The following CCDC149 variants were observed in gnomAD, a reference collection of about 807,000 sequenced individuals.
The protein encoded by CCDC149 is coiled-coil domain-containing protein 149.
Under a neutral mutation model 59.9 loss-of-function variants are expected in CCDC149, and 45 were observed. The ratio of observed to expected loss-of-function variants is 0.75; its 90% CI spans 0.59 to 0.96. The LOEUF (loss-of-function observed/expected upper bound fraction) is 0.96. CCDC149 is among the 40% of genes least tolerant of loss of function. The probability of loss-of-function intolerance (pLI) is 0.00; values close to 1 mark genes in which losing one functional copy is unlikely to be tolerated. For missense variants in CCDC149, 584 were observed against 664.7 expected, an observed-to-expected ratio of 0.88 and a Z score of 1.33; for synonymous variants, 245 against 260.6, an observed-to-expected ratio of 0.94 and a Z score of 0.58.
Position 24,922,516 on chromosome 4 carries a change from A to G in CCDC149, c.-64-27398T>C, listed in dbSNP as rs368500883. ...AAGGCTGCAAGATGGGGCATTTTGG[A>G]CTCATTTTTATTCTTTTTCATGCTT... On this transcript the variant is annotated intron_variant, in intron 1 of 12. Coordinates refer to the CCDC149 transcript ENST00000389609. Among the ~76,000 whole-genome samples the G allele has an allele frequency of 3.3e-5, 5 of 151,932 alleles. No homozygotes were observed. The East Asian group carries it at 9.7e-4, about 29-fold the overall frequency.
intron 1 of CCDC149, among the ~76,000 whole-genome samples, chr4:24,880,926 C>T (rs1719803268): frequency 6.6e-6 from 1 of 152,184 alleles, no homozygotes. Flanking sequence ...CCTTGAGGAA[C>T]CCACGATTTC....
chr4:24,851,084 T>C (rs964138098), intron 4 of CCDC149, among the ~76,000 whole-genome samples: 7 of 152,118 alleles, frequency 4.6e-5, no homozygotes, highest in Non-Finnish European at 8.8e-5. Context: ...TAGCAGTCAC[T>C]AAATTCTAAA....
chr4:24,929,117 A>G (rs1045242284), intron 1 of CCDC149, among the ~76,000 whole-genome samples: 1 of 152,172 alleles, frequency 6.6e-6, no homozygotes, highest in African/African-American at 2.4e-5. Context: ...TTGCCATCCC[A>G]TGGTCTGGTG....
intron 1 of CCDC149, among the ~76,000 whole-genome samples, chr4:24,879,353 A>C (rs1477629644): frequency 6.6e-6 from 1 of 151,876 alleles, no homozygotes; most frequent in Non-Finnish European, 1.5e-5. Flanking sequence ...CCCCCTCTCT[A>C]CTAAAAATAC....
intron 5 of CCDC149, 26 bp downstream of exon 5, chr4:24,838,130 C>T (rs1454985633): frequency 1.3e-5 from 20 of 1,524,414 alleles, no homozygotes; most frequent in Non-Finnish European, 1.7e-5. Flanking sequence ...ATGCATCCCC[C>T]ACTCTGAATA....
chr4:24,891,335 GT>G (rs1720520239), intron 1 of CCDC149, among the ~76,000 whole-genome samples: 1 of 152,174 alleles, frequency 6.6e-6, no homozygotes, highest in African/African-American at 2.4e-5. Context: ...ATCCAGGTCT[GT>G]TTCTCTGGCT....
At chr4:24,854,465 C>A (rs2109188982) in intron 3 of CCDC149, among the ~76,000 whole-genome samples, 1 of 152,228 alleles carries the variant, frequency 6.6e-6, no homozygotes, top group East Asian at 1.9e-4. Context: ...TCCAAACAGG[C>A]CTCCTGGAAG....
rs1278057251 is a variant in CCDC149, at chr4:24,808,362, T to G, written c.*27A>C. ...TTGACCCTCTCTGGGGCTTTCAATG[T>G]GTCATTGTGTCAGATCCCTCTCCCC... On this transcript the variant is annotated 3_prime_UTR_variant, in exon 13 of 13. Transcript: ENST00000635206. 9 of 1,437,280 alleles carry G rather than the reference T, an allele frequency of 6.3e-6. No homozygotes were observed. The highest frequency in any genetic ancestry group is 8.2e-6 in the Non-Finnish European group (9 of 1,092,744). The allele number at this position is 1,437,280 out of a possible 1,614,324, so 89.0% of individuals were successfully genotyped here. A position where few individuals can be genotyped will look rare whatever the true frequency, so the allele number is the denominator to read the frequency against.
At chr4:24,954,771 A>G (rs61299216) in intron 1 of CCDC149, among the ~76,000 whole-genome samples, 6 of 152,146 alleles carry the variant, frequency 3.9e-5, no homozygotes, top group African/African-American at 1.4e-4. Context: ...AAGAGCTCCA[A>G]AATGCCTTCA....
chr4:24,871,250 G>T (rs1043302554), intron 3 of CCDC149, among the ~76,000 whole-genome samples: 2 of 152,142 alleles, frequency 1.3e-5, no homozygotes, highest in African/African-American at 4.8e-5. Flanking sequence ...GGATAAATGT[G>T]TGTGTGTTGG....
At chr4:24,913,382 C>T (rs986782537), upstream of CCDC149, among the ~76,000 whole-genome samples, 1 of 152,224 alleles carries the variant, frequency 6.6e-6, no homozygotes, top group African/African-American at 2.4e-5. Context: ...GCAGATGTGC[C>T]TTTGGCAAGA....
At chr4:24,875,152 A>G (rs976526226) in intron 2 of CCDC149, among the ~76,000 whole-genome samples, 1 of 152,066 alleles carries the variant, frequency 6.6e-6, no homozygotes, top group African/African-American at 2.4e-5. Flanking sequence ...ACTAAGGTGA[A>G]ACCCCGTCTC....
At chr4:24,905,181 G>A (rs555402401) in intron 1 of CCDC149, among the ~76,000 whole-genome samples, 1 of 151,834 alleles carries the variant, frequency 6.6e-6, no homozygotes, top group Non-Finnish European at 1.5e-5. Flanking sequence ...TTACAGGAGT[G>A]AGCCACCGCA....
At chr4:24,966,967 C>T (rs1487296396) in intron 1 of CCDC149, among the ~76,000 whole-genome samples, 1 of 152,152 alleles carries the variant, frequency 6.6e-6, no homozygotes, top group African/African-American at 2.4e-5. Flanking sequence ...ATTGCAGCCT[C>T]ATTTATGGGA....
intron 6 of CCDC149, among the ~76,000 whole-genome samples, 192 bp from the exon 7 acceptor site, chr4:24,836,700 A>T (rs1343219877): frequency 6.6e-6 from 1 of 152,238 alleles, no homozygotes; most frequent in African/African-American, 2.4e-5. Flanking sequence ...AATCAAGGTC[A>T]AACATGCCCA....
intron 3 of CCDC149, among the ~76,000 whole-genome samples, chr4:24,860,727 A>G (rs1206147112): frequency 1.3e-5 from 2 of 152,212 alleles, no homozygotes; most frequent in African/African-American, 2.4e-5. Context: ...AGAATCTACA[A>G]GGAACTCAAG....
intron 1 of CCDC149, among the ~76,000 whole-genome samples, chr4:24,910,415 T>C (rs889417427): frequency 6.6e-5 from 10 of 152,124 alleles, no homozygotes; most frequent in Admixed American, 1.3e-4. Flanking sequence ...TTGCAGCTAC[T>C]GGGGTTAGGT....
intron 1 of CCDC149, among the ~76,000 whole-genome samples, chr4:24,948,097 C>T (rs1435267220): frequency 6.6e-6 from 1 of 152,172 alleles, no homozygotes; most frequent in African/African-American, 2.4e-5. Context: ...GAGTGGCAGG[C>T]AGTGGGCTAC....
At chr4:24,970,949 C>T (rs546898660) in intron 1 of CCDC149, among the ~76,000 whole-genome samples, 4 of 152,234 alleles carry the variant, frequency 2.6e-5, no homozygotes, top group South Asian at 2.1e-4. Context: ...GAATTACACC[C>T]GAGTGGCCCT....
Sources: allele counts gnomAD v4.1 joint callset (sites outside exome capture counted in the v4.1 genomes callset), GRCh38; gene constraint gnomAD v4.1.1; transcripts MANE v1.5; gene names NCBI Gene and HGNC (gene_info 2026-07-23, HGNC 2026-07-21).